The following LRCOL1 variants were observed in gnomAD, a reference collection of about 807,000 sequenced individuals.
LRCOL1 encodes the protein leucine rich colipase like 1, also known as leucine-rich colipase-like protein 1.
Under a neutral mutation model 21.6 loss-of-function variants are expected in LRCOL1, and 21 were observed. That is an observed-to-expected ratio of 0.97 (90% CI 0.69 to 1.40). The LOEUF is 1.40. Ranked by LOEUF, LRCOL1 falls within the 40% of genes most tolerant of loss-of-function variation. LRCOL1 has a pLI of 0.00. For missense variants in LRCOL1, 198 were observed against 202.3 expected (o/e 0.98, Z 0.13); for synonymous variants, 98 against 90.1 (o/e 1.09, Z -0.49).
intron 1 of LRCOL1, among the ~76,000 whole-genome samples, 191 bp downstream of exon 1, chr12:132,610,132 G>T (rs1202616689): frequency 6.6e-6 from 1 of 152,190 alleles, no homozygotes; most frequent in African/African-American, 2.4e-5. Flanking sequence ...GGCAGGTGGG[G>T]TCATCCCCAC....
chr12:132,603,733 AC>A (rs2041258785), intron 5 of LRCOL1: 1 of 985,222 alleles, frequency 1.0e-6, no homozygotes. Context: ...GCAAACACGC[AC>A]TTGCGCCCCC....
intron 2 of LRCOL1, chr12:132,605,876 C>A: frequency 2.1e-6 from 1 of 481,012 alleles, no homozygotes; most frequent in Non-Finnish European, 3.7e-6. Flanking sequence ...TGACGGTGGC[C>A]GTGGTGGCCC....
Position 132,604,823 on chromosome 12 carries a change from C to T in LRCOL1, c.114G>A (p.Gly38=). 2 of 1,535,874 alleles carry T rather than the reference C, an allele frequency of 1.3e-6. No homozygotes were observed. The highest frequency in any genetic ancestry group is 1.4e-5 in the African/African-American group (1 of 73,160). Residue 38 remains glycine (G), a synonymous_variant, in exon 3 of 6, where the codon GGG becomes GGA. Coordinates refer to ENST00000376608, the MANE Select transcript of LRCOL1 (RefSeq NM_001195520.2). The stretch of plus-strand genomic sequence containing the variant: ...ACTCCTCGTGTCTCCTGCATGGCTC[C>T]CCGATGCCCTGAAACACCACTCACC... The part of the protein sequence containing the change: ...KKLNLSHKGI[G]EPCRRHEECQ...
rs1044729998 is a variant in LRCOL1, at chr12:132,603,157, G to A, written c.*245C>T. 10 of 485,068 alleles carry A rather than the reference G, an allele frequency of 2.1e-5. No individual in the cohort carries two copies. The highest frequency in any genetic ancestry group is 3.2e-5 in the Non-Finnish European group (9 of 278,162). 30.0% of individuals were successfully genotyped at this position (485,068 alleles called of 1,614,324 possible). On this transcript the variant is annotated 3_prime_UTR_variant, in exon 6 of 6. Coordinates refer to ENST00000376608, the MANE Select transcript of LRCOL1 (RefSeq NM_001195520.2). ...AGGGGTGAGACACGGCTGCTCAGTC[G>A]GCCAGGAGCCTTTATTGATGTTTAA...
Position 132,604,473 on chromosome 12 carries a change from GCA to G in LRCOL1, c.341_342del (p.Val114AlafsTer48). 8.5e-6 allele frequency: 13 copies of G among 1,535,726 alleles called. No homozygotes were observed. Among genetic ancestry groups the G allele is most frequent in the Non-Finnish European group, 1.0e-5 (12 of 1,146,582 alleles). ...CTPQSVFLQCVPWRKPNGDFC... is the reference protein window; with the variant it reads ...CTPQSVFLQCXPWRKPNGDFC... ...TGCCCGCAGCTCACCTTGCGCCAGG[GCA>G]CACACTGCAGGAAGACGCTTTGGGG... On this transcript the variant is annotated frameshift_variant, in exon 4 of 6. Transcript: ENST00000376608. LOFTEE classifies it high-confidence loss of function.
rs1490912919 is a variant in LRCOL1, at chr12:132,604,477, A to G, written c.339T>C (p.Cys113=). The change falls in exon 4 of 6, where the codon TGT becomes TGC. Residue 113 remains cysteine, a synonymous_variant. Transcript: ENST00000376608. The stretch of plus-strand genomic sequence containing the variant: ...CGCAGCTCACCTTGCGCCAGGGCAC[A>G]CACTGCAGGAAGACGCTTTGGGGCG... ...LCTPQSVFLQ[C]VPWRKPNGDF... The G allele has an allele frequency of 2.0e-6, 3 of 1,535,816 alleles. No homozygotes were observed. Among genetic ancestry groups the G allele is most frequent in the Non-Finnish European group, 2.6e-6 (3 of 1,146,752 alleles).
Position 132,603,253 on chromosome 12 carries a change from CT to C in LRCOL1, c.*148del. ...TTCGCGCCACCAGGCTGGTCACAGC[CT>C]TTCAGTTCCCACAGATTTTCAGAGC... On this transcript the variant is annotated 3_prime_UTR_variant, in exon 6 of 6. Transcript: ENST00000376608. 1 of 1,258,258 alleles carries C rather than the reference CT, an allele frequency of 7.9e-7. No individual in the cohort carries two copies. The highest frequency in any genetic ancestry group is 1.1e-6 in the Non-Finnish European group (1 of 910,746). The allele number at this position is 1,258,258 out of a possible 1,614,324, so 77.9% of individuals were successfully genotyped here. A position where few individuals can be genotyped will look rare whatever the true frequency, so the allele number is the denominator to read the frequency against.
intron 2 of LRCOL1, 112 bp from the exon 3 acceptor site, chr12:132,604,943 C>T (rs2041284964): frequency 6.8e-7 from 1 of 1,462,916 alleles, no homozygotes; most frequent in African/African-American, 1.4e-5. Context: ...ATCCTTCAAA[C>T]TTGGGTTTCC....
intron 2 of LRCOL1, among the ~76,000 whole-genome samples, chr12:132,605,621 C>T (rs962354052): frequency 5.9e-5 from 9 of 151,972 alleles, no homozygotes; most frequent in African/African-American, 1.7e-4. Flanking sequence ...CCCAGCTACT[C>T]GGGAGGCAGA....
chr12:132,609,622 T>C (rs1229937539), intron 1 of LRCOL1, among the ~76,000 whole-genome samples: 1 of 151,976 alleles, frequency 6.6e-6, no homozygotes, highest in East Asian at 1.9e-4. Flanking sequence ...GCTTGAACCC[T>C]GGAGGCAAAG....
At chr12:132,604,153 C>T in intron 5 of LRCOL1, 101 bp downstream of exon 5, 3 of 1,454,554 alleles carry the variant, frequency 2.1e-6, no homozygotes, top group Non-Finnish European at 2.7e-6. Flanking sequence ...CAGAGCCCAC[C>T]TCTCACAGCC....
At chr12:132,608,280 G>A (rs897309897) in intron 1 of LRCOL1, among the ~76,000 whole-genome samples, 1 of 152,122 alleles carries the variant, frequency 6.6e-6, no homozygotes, top group Non-Finnish European at 1.5e-5. Flanking sequence ...GCCTCCCCAC[G>A]TGATCAGTCC....
At chr12:132,607,741 C>G (rs904150176) in intron 1 of LRCOL1, among the ~76,000 whole-genome samples, 17 of 145,288 alleles carry the variant, frequency 1.2e-4, no homozygotes. Context: ...CTCTCCCTCT[C>G]TCCGTCTCTG....
intron 2 of LRCOL1, 194 bp downstream of exon 2, chr12:132,605,953 G>A: frequency 1.7e-6 from 1 of 602,314 alleles, no homozygotes; most frequent in Non-Finnish European, 2.9e-6. Context: ...GCACAGCCGG[G>A]CGTGTGGCCA....
intron 1 of LRCOL1, among the ~76,000 whole-genome samples, chr12:132,607,345 A>G (rs1003790788): frequency 3.3e-5 from 5 of 152,248 alleles, no homozygotes; most frequent in African/African-American, 1.2e-4. Context: ...CCAGACCAAG[A>G]TCAACACAAA....
At position 132,604,826 on chromosome 12, in the gene LRCOL1, G is replaced by A. The variant is rs115464128; in HGVS notation, c.111C>T (p.Ile37=). ...CCTCGTGTCTCCTGCATGGCTCCCC[G>A]ATGCCCTGAAACACCACTCACCAGC... ...QKKLNLSHKG[I]GEPCRRHEEC... is the part of the protein sequence containing the mutation. The change falls in exon 3 of 6, where the codon ATC becomes ATT. Residue 37 remains isoleucine, a synonymous_variant. Coordinates refer to ENST00000376608, the MANE Select transcript of LRCOL1 (RefSeq NM_001195520.2). 2,213 of 1,535,834 alleles carry A rather than the reference G, an allele frequency of 1.4e-3. 25 individuals are homozygous for A. In the African/African-American group the frequency reaches 0.026, roughly 18 times the overall value.
At chr12:132,603,539 G>A (rs1193010129) in intron 5 of LRCOL1, 135 bp from the exon 6 acceptor site, 4 of 1,509,956 alleles carry the variant, frequency 2.6e-6, no homozygotes, top group Non-Finnish European at 3.5e-6. Flanking sequence ...CCCAGAGGCC[G>A]ACGCCCACGC....
Position 132,604,294 on chromosome 12 carries a change from C to T in LRCOL1, c.437G>A (p.Cys146Tyr). The T allele has an allele frequency of 6.5e-6, 10 of 1,535,616 alleles. No homozygotes were observed. Among genetic ancestry groups the T allele is most frequent in the Non-Finnish European group, 8.7e-6 (10 of 1,146,774 alleles). The stretch of plus-strand genomic sequence containing the variant: ...GGCCAGGATCCCGGTCCGGGGAATG[C>T]AGCGGAAGGGGCTGTACTCCCTCAG... The part of the protein sequence containing the change: ...IQLREYSPFR[C>Y]IPRTGILAQC... Residue 146 changes from cysteine to tyrosine, a missense_variant, in exon 5 of 6, where the codon TGC becomes TAC. Coordinates refer to ENST00000376608, the MANE Select transcript of LRCOL1 (RefSeq NM_001195520.2).
At chr12:132,604,878 T>C (rs969695142) in intron 2 of LRCOL1, 47 bp from the exon 3 acceptor site, 2 of 1,530,080 alleles carry the variant, frequency 1.3e-6, no homozygotes, top group African/African-American at 2.7e-5. Context: ...GGGCAGGGCC[T>C]GCAGACTCAG....
Sources: gnomAD v4.1 joint callset for allele counts (sites outside exome capture counted in the v4.1 genomes callset) on GRCh38, gnomAD v4.1.1 for gene constraint, MANE v1.5 for transcripts, NCBI Gene and HGNC (gene_info 2026-07-23, HGNC 2026-07-21) for gene names.